ZBTB7C: variants seen among roughly 807,000 people sequenced by gnomAD.
ZBTB7C encodes zinc finger and BTB domain containing 7C.
Under a neutral mutation model 25.7 loss-of-function variants are expected in ZBTB7C, and 8 were observed. That is an observed-to-expected ratio of 0.31 (90% CI 0.18 to 0.56). ZBTB7C has a LOEUF of 0.56. Among genes scored for constraint, ZBTB7C ranks in the 20% least tolerant of loss-of-function variants. The probability of loss-of-function intolerance (pLI) is 0.91; values close to 1 mark genes in which losing one functional copy is unlikely to be tolerated. For missense variants in ZBTB7C, 824 were observed against 855.2 expected (o/e 0.96, Z 0.46); for synonymous variants, 394 against 369.0 (o/e 1.07, Z -0.78).
chr18:48,029,633 CCG>C lies in ZBTB7C; in HGVS notation c.1485_1486del (p.Gly496ArgfsTer71). On this transcript the variant is annotated frameshift_variant, in exon 5 of 5. Transcript: ENST00000590800. LOFTEE classifies it low-confidence loss of function (END_TRUNC). ...GGCCGCCTTGTCGGGGGCCGGGCCGCCGGGCCCGAAGAGCAGGCTGGCGGCCC... is the reference window on the plus strand; with the variant it reads ...GGCCGCCTTGTCGGGGGCCGGGCCGCGGCCCGAAGAGCAGGCTGGCGGCCC... 1 of 1,510,816 alleles carries C rather than the reference CCG, an allele frequency of 6.6e-7. No individual in the cohort carries two copies. The highest frequency in any genetic ancestry group is 8.8e-7 in the Non-Finnish European group (1 of 1,139,250). 93.6% of individuals were successfully genotyped at this position (1,510,816 alleles called of 1,614,324 possible).
chr18:48,374,993 A>G (rs965766241), intron 1 of ZBTB7C, among the ~76,000 whole-genome samples: 2 of 152,160 alleles, frequency 1.3e-5, no homozygotes, highest in Non-Finnish European at 2.9e-5. Flanking sequence ...GGTTTCTTTT[A>G]TCTGGTATTT....
intron 3 of ZBTB7C, among the ~76,000 whole-genome samples, chr18:48,173,497 C>T (rs1256159923): frequency 6.6e-6 from 1 of 152,210 alleles, no homozygotes; most frequent in African/African-American, 2.4e-5. Flanking sequence ...CTCCCACACA[C>T]AGTCTCAGGG....
intron 1 of ZBTB7C, among the ~76,000 whole-genome samples, chr18:48,360,488 G>T (rs1347984047): frequency 6.6e-6 from 1 of 152,246 alleles, no homozygotes; most frequent in Non-Finnish European, 1.5e-5. Flanking sequence ...TGAGAGGAGC[G>T]TGGGAAGAGA....
intron 1 of ZBTB7C, among the ~76,000 whole-genome samples, chr18:48,389,810 C>T (rs780750144): frequency 1.5e-4 from 23 of 152,138 alleles, no homozygotes; most frequent in African/African-American, 4.8e-4. Flanking sequence ...GTGAAGAGCC[C>T]GGTACAGTGC....
intron 3 of ZBTB7C, among the ~76,000 whole-genome samples, chr18:48,051,704 C>T (rs373762692): frequency 5.6e-4 from 85 of 152,214 alleles, no homozygotes; most frequent in African/African-American, 1.9e-3. Context: ...GGGTTCCCTA[C>T]GGGGCTGCCT....
intron 1 of ZBTB7C, among the ~76,000 whole-genome samples, chr18:48,407,434 G>A (rs1208877056): frequency 1.3e-5 from 2 of 152,212 alleles, no homozygotes; most frequent in African/African-American, 4.8e-5. Flanking sequence ...GGCACGGGAC[G>A]GGAAATATAC....
chr18:48,032,218 A>G (rs1157905188), intron 4 of ZBTB7C, among the ~76,000 whole-genome samples: 1 of 151,622 alleles, frequency 6.6e-6, no homozygotes, highest in Non-Finnish European at 1.5e-5. Flanking sequence ...GGTTCAAGTG[A>G]TTCTCCTGCC....
intron 2 of ZBTB7C, among the ~76,000 whole-genome samples, chr18:48,295,458 G>A (rs577058514): frequency 2.6e-5 from 4 of 152,252 alleles, no homozygotes; most frequent in Admixed American, 6.5e-5. Flanking sequence ...TGAGGAAGGC[G>A]GGATCCAGTG....
chr18:48,095,620 GA>G (rs1295789122), intron 3 of ZBTB7C, among the ~76,000 whole-genome samples: 1 of 152,084 alleles, frequency 6.6e-6, no homozygotes, highest in Admixed American at 6.5e-5. Flanking sequence ...GCTGAGGCAG[GA>G]GAATCACTTG....
intron 1 of ZBTB7C, among the ~76,000 whole-genome samples, chr18:48,348,274 T>C (rs1458261925): frequency 6.6e-6 from 1 of 152,242 alleles, no homozygotes; most frequent in East Asian, 1.9e-4. Flanking sequence ...TATACATCCC[T>C]GATGTCATCC....
intron 3 of ZBTB7C, among the ~76,000 whole-genome samples, chr18:48,119,602 G>A (rs1179651874): frequency 1.3e-5 from 2 of 152,160 alleles, no homozygotes; most frequent in Non-Finnish European, 2.9e-5. Context: ...AAGACTATAT[G>A]TCTACGTTTT....
At chr18:48,253,989 C>A (rs576102243) in intron 2 of ZBTB7C, among the ~76,000 whole-genome samples, 1 of 152,250 alleles carries the variant, frequency 6.6e-6, no homozygotes, top group South Asian at 2.1e-4. Flanking sequence ...TAATACCAAC[C>A]AGCCTGAAGA....
intron 1 of ZBTB7C, among the ~76,000 whole-genome samples, chr18:48,399,465 G>A (rs929547367): frequency 6.6e-6 from 1 of 152,234 alleles, no homozygotes; most frequent in Admixed American, 6.5e-5. Flanking sequence ...AAGGCAGCCT[G>A]TTGCGTCACC....
intron 2 of ZBTB7C, among the ~76,000 whole-genome samples, chr18:48,316,971 C>A (rs541949448): frequency 6.6e-6 from 1 of 152,324 alleles, no homozygotes; most frequent in South Asian, 2.1e-4. Context: ...ACTTGTCTTG[C>A]ACATAGAAGA....
rs568335637 is a variant in ZBTB7C, at chr18:48,070,989, T to C, written c.-16-29866A>G. 3.9e-5 allele frequency among the ~76,000 whole-genome samples: 6 copies of C among 152,338 alleles called. No homozygotes were observed. The East Asian group carries it at 1.2e-3, about 29-fold the overall frequency. On this transcript the variant is annotated intron_variant, in intron 3 of 4. Coordinates refer to ENST00000590800, the MANE Select transcript of ZBTB7C (RefSeq NM_001318841.2). ...AAATCACTTTATGTTGTATCCACTT[T>C]TCCCCAGCAGCGTCTAAGGTTCTTA...
intron 3 of ZBTB7C, among the ~76,000 whole-genome samples, chr18:48,060,663 C>T (rs1321668220): frequency 6.6e-6 from 1 of 152,190 alleles, no homozygotes; most frequent in East Asian, 1.9e-4. Flanking sequence ...TCCTTTAAGA[C>T]TTGGCCCAGG....
chr18:48,056,857 A>G (rs2036932293), intron 3 of ZBTB7C, among the ~76,000 whole-genome samples: 1 of 152,122 alleles, frequency 6.6e-6, no homozygotes, highest in African/African-American at 2.4e-5. Flanking sequence ...CAGAAGTCAT[A>G]AAAGATTTGT....
intron 3 of ZBTB7C, among the ~76,000 whole-genome samples, chr18:48,091,408 A>G (rs1320133344): frequency 1.3e-5 from 2 of 152,064 alleles, no homozygotes; most frequent in Non-Finnish European, 2.9e-5. Flanking sequence ...AGATGTATCA[A>G]TAATAAGAAA....
At chr18:48,110,855 G>A (rs920192873) in intron 3 of ZBTB7C, among the ~76,000 whole-genome samples, 1 of 152,154 alleles carries the variant, frequency 6.6e-6, no homozygotes, top group African/African-American at 2.4e-5. Context: ...ACGTTCTTGG[G>A]GGAGGGCATA....
Sources: allele counts gnomAD v4.1 joint callset (sites outside exome capture counted in the v4.1 genomes callset), GRCh38; gene constraint gnomAD v4.1.1; transcripts MANE v1.5; gene names NCBI Gene and HGNC (gene_info 2026-07-23, HGNC 2026-07-21).